ATXN8OS: variants seen among roughly 807,000 people sequenced by gnomAD.
ATXN8OS encodes the protein ATXN8 opposite strand (non-protein coding).
chr13:70,134,585 A>T (rs1309555656), intron 3 of ATXN8OS, among the ~76,000 whole-genome samples: 1 of 152,192 alleles, frequency 6.6e-6, no homozygotes, highest in Non-Finnish European at 1.5e-5. Flanking sequence ...CAGGAAGAGA[A>T]ATCTAAACAT....
intron 4 of ATXN8OS, among the ~76,000 whole-genome samples, chr13:70,148,819 G>A (rs1187415389): frequency 6.6e-6 from 1 of 151,898 alleles, no homozygotes; most frequent in African/African-American, 2.4e-5. Flanking sequence ...ATCTTTAAGG[G>A]CCAATATAAT....
intron 2 of ATXN8OS, chr13:70,115,398 G>C (rs2137470813): frequency 2.5e-6 from 1 of 396,238 alleles, no homozygotes; most frequent in South Asian, 1.4e-4. Flanking sequence ...TGTGGCATTA[G>C]GGATTAAGTT....
chr13:70,141,598 A>T (rs1483259296), intron 3 of ATXN8OS, among the ~76,000 whole-genome samples: 2 of 152,096 alleles, frequency 1.3e-5, no homozygotes, highest in Admixed American at 1.3e-4. Flanking sequence ...ATGTGTGTAT[A>T]TATACATATG....
rs922553554 is a variant in ATXN8OS, at chr13:70,107,806, C to T, written n.27C>T. ...GGGGCGGAGGAAGAGGCGGGATGCG[C>T]CCTCTGCACCCCTAGAGCCAGAAGA... is the stretch of plus-strand genomic sequence containing the variant. On this transcript the variant is annotated non_coding_transcript_exon_variant, in exon 1 of 5. Coordinates refer to ENST00000678624, the Ensembl canonical transcript of ATXN8OS. The T allele has an allele frequency of 1.0e-5, 8 of 795,714 alleles. No homozygotes were observed. The South Asian group carries it at 1.1e-4, about 11-fold the overall frequency. 49.3% of individuals were successfully genotyped at this position (795,714 alleles called of 1,614,324 possible).
intron 4 of ATXN8OS, among the ~76,000 whole-genome samples, chr13:70,163,991 T>C (rs1288555137): frequency 6.6e-6 from 1 of 150,386 alleles, no homozygotes; most frequent in Admixed American, 6.7e-5. Flanking sequence ...AATGAGGATG[T>C]GTAGGGTGCT....
chr13:70,168,491 T>G lies in ATXN8OS; in HGVS notation n.574-1262T>G, dbSNP rs536676082. On this transcript the variant is annotated intron_variant and non_coding_transcript_variant, in intron 4 of 4. Transcript: ENST00000678624. ...TCTATCTTTCTGTATGTTTGTACCA[T>G]GAACCAACTTCTCTTTATCCCCTGC... Among the ~76,000 whole-genome samples, 60 of 152,132 alleles carry G rather than the reference T, an allele frequency of 3.9e-4. 1 individual carries two copies. Among genetic ancestry groups the G allele is most frequent in the African/African-American group, 1.3e-3 (55 of 41,538 alleles).
At chr13:70,170,488 G>A (rs895322327) in exon 5 of ATXN8OS, among the ~76,000 whole-genome samples, 1 of 151,974 alleles carries the variant, frequency 6.6e-6, no homozygotes, top group Non-Finnish European at 1.5e-5. Flanking sequence ...AATCACAAAA[G>A]GAAACACATA....
At chr13:70,142,395 A>G (rs1198894184) in intron 3 of ATXN8OS, among the ~76,000 whole-genome samples, 1 of 152,122 alleles carries the variant, frequency 6.6e-6, no homozygotes, top group Non-Finnish European at 1.5e-5. Flanking sequence ...AGGGGTAGAG[A>G]TTGTCACCTC....
intron 2 of ATXN8OS, among the ~76,000 whole-genome samples, chr13:70,117,312 T>C (rs1178670443): frequency 2.0e-5 from 3 of 152,076 alleles, no homozygotes; most frequent in Non-Finnish European, 4.4e-5. Context: ...CAGTTAACTA[T>C]ATATACCTAT....
In ATXN8OS at chr13:70,166,072, C is replaced by T. The variant is rs149624811; in HGVS notation, n.574-3681C>T. Among the ~76,000 whole-genome samples, 716 of 152,122 alleles carry T rather than the reference C, an allele frequency of 4.7e-3. 7 individuals are homozygous for T. Among genetic ancestry groups the T allele is most frequent in the African/African-American group, 0.016 (673 of 41,524 alleles). ...ATGAGTGAGATAGAGAAAAATCTCT[C>T]ATCATAATTAATGATGAAGCACATG... On this transcript the variant is annotated intron_variant and non_coding_transcript_variant, in intron 4 of 4. Transcript: ENST00000678624.
chr13:70,139,413 G>A (rs890469962), intron 3 of ATXN8OS: 38 of 734,312 alleles, frequency 5.2e-5, no homozygotes, highest in African/African-American at 4.5e-4. Flanking sequence ...TGCTGCTGCT[G>A]CTGCTGCTGC....
chr13:70,164,261 T>G (rs910499152), intron 4 of ATXN8OS, among the ~76,000 whole-genome samples: 1 of 151,634 alleles, frequency 6.6e-6, no homozygotes, highest in African/African-American at 2.4e-5. Flanking sequence ...AAAAATGATA[T>G]TAAAATGTAA....
intron 4 of ATXN8OS, among the ~76,000 whole-genome samples, chr13:70,163,027 C>A (rs1451834091): frequency 3.4e-5 from 1 of 29,078 alleles, no homozygotes; most frequent in African/African-American, 5.9e-5. Context: ...TTCTGCTATT[C>A]TCTCCCTTTT....
chr13:70,112,687 T>C (rs997796246), intron 1 of ATXN8OS, among the ~76,000 whole-genome samples: 6 of 152,130 alleles, frequency 3.9e-5, no homozygotes, highest in Admixed American at 6.5e-5. Context: ...TACATTTGTA[T>C]AGTTGAGGAA....
At chr13:70,161,574 G>T (rs1889009131) in intron 4 of ATXN8OS, among the ~76,000 whole-genome samples, 1 of 151,938 alleles carries the variant, frequency 6.6e-6, no homozygotes, top group South Asian at 2.1e-4. Context: ...CCACTAATTT[G>T]TTCCTTAACC....
chr13:70,113,644 A>C, intron 1 of ATXN8OS, among the ~76,000 whole-genome samples: 1 of 152,172 alleles, frequency 6.6e-6, no homozygotes, highest in East Asian at 1.9e-4. Flanking sequence ...TCATATAAAT[A>C]TAGATAAAAT....
intron 1 of ATXN8OS, among the ~76,000 whole-genome samples, chr13:70,108,977 C>A (rs993540804): frequency 3.9e-5 from 6 of 152,214 alleles, no homozygotes; most frequent in African/African-American, 1.4e-4. Flanking sequence ...GGCATCTGAA[C>A]ACGGGGGACG....
intron 3 of ATXN8OS, among the ~76,000 whole-genome samples, chr13:70,143,612 C>G (rs1375774248): frequency 2.0e-5 from 3 of 152,104 alleles, no homozygotes; most frequent in African/African-American, 7.2e-5. Flanking sequence ...TGTACCTGTG[C>G]TTAATTAGAG....
chr13:70,162,148 C>A (rs1005018384), intron 4 of ATXN8OS, among the ~76,000 whole-genome samples: 8 of 151,952 alleles, frequency 5.3e-5, no homozygotes, highest in African/African-American at 1.7e-4. Context: ...TGAGTATAAC[C>A]TCTAATAAGT....
Sources: allele counts gnomAD v4.1 joint callset (sites outside exome capture counted in the v4.1 genomes callset), GRCh38; gene constraint gnomAD v4.1.1; transcripts MANE v1.5; gene names NCBI Gene and HGNC (gene_info 2026-07-23, HGNC 2026-07-21).